CNTLN: variants seen among roughly 807,000 people sequenced by gnomAD.
The protein encoded by CNTLN is centlein.
CNTLN carries 212 observed loss-of-function variants against 180.0 expected under a neutral mutation model. The observed-to-expected ratio is 1.18, with a 90% CI of 1.05 to 1.32. The LOEUF is 1.32. Ranked by LOEUF, CNTLN falls within the 40% of genes most tolerant of loss-of-function variation. The pLI is 0.00. For synonymous variants in CNTLN, 722 were observed against 563.1 expected, an observed-to-expected ratio of 1.28 and a Z score of -3.99; for missense variants, 2,095 against 1,610.9, an observed-to-expected ratio of 1.30 and a Z score of -5.14.
At chr9:17,515,323 C>A in the CNTLN span, among the ~76,000 whole-genome samples, 4 of 152,124 alleles carry the variant, frequency 2.6e-5, no homozygotes, top group African/African-American at 9.7e-5. Flanking sequence ...GTTAGGGGTA[C>A]TACCAGGCTC....
At chr9:17,239,420 T>G (rs1825354239) in intron 5 of CNTLN, among the ~76,000 whole-genome samples, 1 of 151,572 alleles carries the variant, frequency 6.6e-6, no homozygotes, top group East Asian at 1.9e-4. Context: ...TTAAATTCTT[T>G]GTTACTTTTT....
intron 2 of CNTLN, among the ~76,000 whole-genome samples, chr9:17,175,003 T>A (rs975270823): frequency 6.6e-6 from 1 of 152,238 alleles, no homozygotes; most frequent in African/African-American, 2.4e-5. Context: ...AAAAAATTAC[T>A]GTTGAGTTTT....
intron 8 of CNTLN, among the ~76,000 whole-genome samples, chr9:17,312,364 T>TATATATATATATATATA (rs369729227): frequency 3.5e-4 from 7 of 20,186 alleles, no homozygotes; most frequent in African/African-American, 8.0e-4. Context: ...TATATATATA[T>TATATATATATATATATA]TATATATATA....
At chr9:17,450,573 G>A (rs879931391) in intron 18 of CNTLN, among the ~76,000 whole-genome samples, 7 of 152,186 alleles carry the variant, frequency 4.6e-5, no homozygotes, top group Admixed American at 2.0e-4. Context: ...ATAAAAAGAG[G>A]ATTAATCTAC....
intron 5 of CNTLN, among the ~76,000 whole-genome samples, chr9:17,254,671 A>G (rs7046951): frequency 0.2 from 30,256 of 151,382 alleles, 3,708 homozygotes; most frequent in African/African-American, 0.35. Context: ...ATGTCAGTAC[A>G]ATACTGTTTT....
intron 12 of CNTLN, among the ~76,000 whole-genome samples, chr9:17,360,846 T>C (rs1428204957): frequency 1.3e-5 from 2 of 152,232 alleles, no homozygotes; most frequent in Non-Finnish European, 2.9e-5. Context: ...GCATGTGGTC[T>C]TATCTTGTTG....
chr9:17,438,850 C>G (rs543758855), intron 18 of CNTLN, among the ~76,000 whole-genome samples: 1 of 152,280 alleles, frequency 6.6e-6, no homozygotes, highest in South Asian at 2.1e-4. Context: ...AAGATCTGAG[C>G]TCTAGGCCCT....
downstream of CNTLN, among the ~76,000 whole-genome samples, chr9:17,507,406 G>C (rs1033552954): frequency 6.6e-6 from 1 of 152,092 alleles, no homozygotes; most frequent in Non-Finnish European, 1.5e-5. Flanking sequence ...ATAGGCACTT[G>C]GGTTGATTCC....
chr9:17,317,069 TATC>T (rs1819589298), intron 8 of CNTLN, among the ~76,000 whole-genome samples: 3 of 152,098 alleles, frequency 2.0e-5, no homozygotes, highest in African/African-American at 7.2e-5. Context: ...GTTGAGAAGA[TATC>T]ATGTCGTTAT....
chr9:17,194,127 T>C (rs1821969182), intron 2 of CNTLN, among the ~76,000 whole-genome samples: 2 of 152,250 alleles, frequency 1.3e-5, no homozygotes, highest in South Asian at 4.1e-4. Flanking sequence ...CCTAGGCCTC[T>C]GGGCCTGTGA....
At position 17,330,703 on chromosome 9, in the gene CNTLN, A is replaced by G; in HGVS notation, c.1413A>G (p.Leu471=). 2 of 1,611,998 alleles carry G rather than the reference A, an allele frequency of 1.2e-6. No homozygotes were observed. Among genetic ancestry groups the G allele is most frequent in the Non-Finnish European group, 1.7e-6 (2 of 1,178,570 alleles). The change falls in exon 9 of 26, where the codon TTA becomes TTG. Residue 471 remains leucine, a synonymous_variant. Transcript: ENST00000380647. The part of the protein sequence containing the change: ...MVSQKSEIEY[L]QEKLKIANEK... Reference sequence around the variant, plus strand: ...CACAGAAGTCTGAAATTGAGTATTTACAGGAGAAACTAAAGATAGCAAATG... The same window carrying G: ...CACAGAAGTCTGAAATTGAGTATTTGCAGGAGAAACTAAAGATAGCAAATG...
intron 2 of CNTLN, among the ~76,000 whole-genome samples, chr9:17,211,233 C>T (rs1462980577): frequency 6.6e-5 from 10 of 152,082 alleles, no homozygotes; most frequent in Non-Finnish European, 1.5e-4. Flanking sequence ...AATTTTAGTA[C>T]AAGGTGTAAG....
At chr9:17,189,751 T>C (rs554521009) in intron 2 of CNTLN, among the ~76,000 whole-genome samples, 2 of 152,128 alleles carry the variant, frequency 1.3e-5, no homozygotes, top group East Asian at 3.9e-4. Flanking sequence ...CCTCCCAAAG[T>C]GTTGGGATTA....
chr9:17,153,502 G>A (rs1340402673), intron 2 of CNTLN, among the ~76,000 whole-genome samples: 2 of 152,190 alleles, frequency 1.3e-5, no homozygotes, highest in African/African-American at 2.4e-5. Flanking sequence ...CTTCTGGCTT[G>A]TAGGGTTTCT....
At chr9:17,201,956 T>C (rs1465358106) in intron 2 of CNTLN, among the ~76,000 whole-genome samples, 2 of 152,228 alleles carry the variant, frequency 1.3e-5, no homozygotes. Flanking sequence ...TTTCCAGCTT[T>C]CTGATGTGGG....
In CNTLN at chr9:17,388,230, A is replaced by G. The variant is rs1825837373; in HGVS notation, c.2056A>G (p.Met686Val). 6.2e-7 allele frequency: 1 copy of G among 1,611,704 alleles called. No individual in the cohort carries two copies. The highest frequency in any genetic ancestry group is 1.1e-5 in the South Asian group (1 of 90,928). ...TACTCCAGAGAAGAATGGAAAAGAA[A>G]TGTTGGAGCAGACATTACAGAAGGT... ...RSTPEKNGKE[M>V]LEQTLQKVTE... Residue 686 changes from methionine (M) to valine (V), a missense_variant, in exon 14 of 26, where the codon ATG becomes GTG. By Grantham distance (21) the Met-to-Val change is conservative (BLOSUM62 1). Transcript: ENST00000380647.
intron 19 of CNTLN, among the ~76,000 whole-genome samples, chr9:17,462,544 G>A (rs1007881193): frequency 2.0e-5 from 3 of 151,670 alleles, no homozygotes; most frequent in Non-Finnish European, 4.4e-5. Context: ...ACCATATTTC[G>A]TCTAAGATGT....
At chr9:17,430,253 G>T (rs1469982648) in intron 18 of CNTLN, among the ~76,000 whole-genome samples, 2 of 151,854 alleles carry the variant, frequency 1.3e-5, no homozygotes, top group African/African-American at 4.8e-5. Context: ...TCCAGTCCGT[G>T]TTATCATAGC....
At chr9:17,386,146 T>A (rs1825665640) in intron 13 of CNTLN, among the ~76,000 whole-genome samples, 1 of 151,994 alleles carries the variant, frequency 6.6e-6, no homozygotes, top group African/African-American at 2.4e-5. Context: ...TAATAGATTT[T>A]TCAAATCATT....
Sources: allele counts gnomAD v4.1 joint callset (sites outside exome capture counted in the v4.1 genomes callset), GRCh38; gene constraint gnomAD v4.1.1; transcripts MANE v1.5; gene names NCBI Gene and HGNC (gene_info 2026-07-23, HGNC 2026-07-21).